NXPE2: variants seen among roughly 807,000 people sequenced by gnomAD.
The protein encoded by NXPE2 is NXPE family member 2.
A neutral mutation model predicts 34.4 loss-of-function variants in NXPE2; 34 were observed. That is an observed-to-expected ratio of 0.99 (90% CI 0.75 to 1.31). The LOEUF (loss-of-function observed/expected upper bound fraction) is 1.31. NXPE2 is among the 40% of genes most tolerant of loss of function. The pLI is 0.00. For synonymous variants in NXPE2, 235 were observed against 231.3 expected (o/e 1.02, Z -0.15); for missense variants, 649 against 672.5 (o/e 0.97, Z 0.39).
chr11:114,501,148 T>C, the NXPE2 span, among the ~76,000 whole-genome samples: 1 of 152,332 alleles, frequency 6.6e-6, no homozygotes, highest in Non-Finnish European at 1.5e-5. Flanking sequence ...TCCTTTAAAG[T>C]AGTTCTGAAA....
the NXPE2 span, chr11:114,583,054 T>A: frequency 6.3e-7 from 1 of 1,575,726 alleles, no homozygotes; most frequent in Non-Finnish European, 8.6e-7. Flanking sequence ...ATGAGATGGA[T>A]AAATTTAGAG....
In NXPE2 at chr11:114,683,817, T is replaced by C. The variant is rs80337311; in HGVS notation, c.132+4055T>C. Among the ~76,000 whole-genome samples, 1,246 of 152,226 alleles carry C rather than the reference T, an allele frequency of 8.2e-3. 18 individuals are homozygous for C. Among genetic ancestry groups the C allele is most frequent in the African/African-American group, 0.028 (1,154 of 41,524 alleles). ...GTTCAGTGATCTGGGTGAGAGGTAATGGTGGCCTGAAATAAGCTACTAACA... is the reference window on the plus strand; with the variant it reads ...GTTCAGTGATCTGGGTGAGAGGTAACGGTGGCCTGAAATAAGCTACTAACA... On this transcript the variant is annotated intron_variant, in intron 2 of 5. Coordinates refer to ENST00000389586, the MANE Select transcript of NXPE2 (RefSeq NM_182495.6).
chr11:114,744,581 G>A, the NXPE2 span, among the ~76,000 whole-genome samples: 1 of 152,146 alleles, frequency 6.6e-6, no homozygotes, highest in African/African-American at 2.4e-5. Flanking sequence ...GGCTGCGGCG[G>A]GTTGAGTTAC....
chr11:114,494,961 A>G, the NXPE2 span, among the ~76,000 whole-genome samples: 1 of 152,152 alleles, frequency 6.6e-6, no homozygotes, highest in African/African-American at 2.4e-5. Context: ...GCTCTTGCAG[A>G]CTCAGAGGTA....
chr11:114,777,949 G>A, the NXPE2 span, among the ~76,000 whole-genome samples: 1 of 152,202 alleles, frequency 6.6e-6, no homozygotes, highest in Non-Finnish European at 1.5e-5. Context: ...AACAGACATG[G>A]TCTCTGCTTT....
At chr11:114,654,694 C>T in the NXPE2 span, among the ~76,000 whole-genome samples, 23,849 of 152,110 alleles carry the variant, frequency 0.16, 2,167 homozygotes, top group South Asian at 0.2. Context: ...TGTATATATA[C>T]CATATTTTCT....
the NXPE2 span, among the ~76,000 whole-genome samples, chr11:114,756,574 C>A: frequency 1.3e-5 from 2 of 152,066 alleles, no homozygotes; most frequent in African/African-American, 4.8e-5. Flanking sequence ...ATAAAGAAAG[C>A]TTTCTTTATT....
At chr11:114,531,540 C>T in the NXPE2 span, among the ~76,000 whole-genome samples, 464 of 152,302 alleles carry the variant, frequency 3.0e-3, 4 homozygotes, top group African/African-American at 0.011. Context: ...TGTCATCTCC[C>T]AACTTAACCC....
chr11:114,572,511 T>C, the NXPE2 span, among the ~76,000 whole-genome samples: 2,840 of 152,052 alleles, frequency 0.019, 71 homozygotes, highest in African/African-American at 0.064. Flanking sequence ...ATAGATAGTA[T>C]AAATAAAAAA....
the NXPE2 span, among the ~76,000 whole-genome samples, chr11:114,657,842 A>G: frequency 6.6e-6 from 1 of 152,178 alleles, no homozygotes; most frequent in African/African-American, 2.4e-5. Flanking sequence ...TTCCAGCCCC[A>G]ATTTTACAGA....
At chr11:114,540,001 T>G in the NXPE2 span, among the ~76,000 whole-genome samples, 1 of 152,208 alleles carries the variant, frequency 6.6e-6, no homozygotes, top group Admixed American at 6.5e-5. Flanking sequence ...ATAAAGACAT[T>G]TATAATTTCC....
the NXPE2 span, among the ~76,000 whole-genome samples, chr11:114,495,762 C>T: frequency 1.4e-4 from 21 of 152,038 alleles, no homozygotes; most frequent in African/African-American, 4.8e-4. Flanking sequence ...TTCACTTTAA[C>T]GCAAGGGGTT....
At chr11:114,775,307 T>C in the NXPE2 span, among the ~76,000 whole-genome samples, 3 of 152,174 alleles carry the variant, frequency 2.0e-5, no homozygotes, top group Admixed American at 6.5e-5. Flanking sequence ...CCCCAGGGCC[T>C]TCAAGGTGGG....
At chr11:114,772,387 AG>A in the NXPE2 span, among the ~76,000 whole-genome samples, 1 of 152,072 alleles carries the variant, frequency 6.6e-6, no homozygotes, top group African/African-American at 2.4e-5. Context: ...TAAAAAAAAA[AG>A]TTCTGATTCT....
At chr11:114,803,569 G>GAT in the NXPE2 span, among the ~76,000 whole-genome samples, 3 of 37,670 alleles carry the variant, frequency 8.0e-5, no homozygotes, top group Non-Finnish European at 1.5e-4. Context: ...AACTCCCTCA[G>GAT]GTCTCTCTCT....
At chr11:114,535,663 C>T in the NXPE2 span, among the ~76,000 whole-genome samples, 1 of 152,012 alleles carries the variant, frequency 6.6e-6, no homozygotes, top group African/African-American at 2.4e-5. Context: ...CTTAAACCAA[C>T]AAAGATCAAA....
At chr11:114,508,273 T>C in the NXPE2 span, among the ~76,000 whole-genome samples, 1 of 152,234 alleles carries the variant, frequency 6.6e-6, no homozygotes, top group Admixed American at 6.5e-5. Flanking sequence ...AAACATTTCA[T>C]GCTCATGTAT....
the NXPE2 span, among the ~76,000 whole-genome samples, chr11:114,751,255 A>G: frequency 1.3e-5 from 2 of 152,196 alleles, no homozygotes; most frequent in East Asian, 3.8e-4. Flanking sequence ...TCTATGTGCC[A>G]AAAAGGAGAG....
At chr11:114,748,228 G>A in the NXPE2 span, among the ~76,000 whole-genome samples, 17 of 152,236 alleles carry the variant, frequency 1.1e-4, no homozygotes, top group Admixed American at 2.6e-4. Flanking sequence ...GTACAAAGCA[G>A]TTTATTTTTC....
Sources: allele counts gnomAD v4.1 joint callset (sites outside exome capture counted in the v4.1 genomes callset), GRCh38; gene constraint gnomAD v4.1.1; transcripts MANE v1.5; gene names NCBI Gene and HGNC (gene_info 2026-07-23, HGNC 2026-07-21).